Variants in MPP7 observed in about 807,000 individuals in gnomAD.
MPP7 encodes the protein MAGUK p55 subfamily member 7.
Under a neutral mutation model 76.5 loss-of-function variants are expected in MPP7, and 60 were observed. That is an observed-to-expected ratio of 0.78 (90% CI 0.64 to 0.97). MPP7 has a LOEUF of 0.97. MPP7 is among the 50% of genes least tolerant of loss of function. The probability of loss-of-function intolerance (pLI) is 0.00; values close to 1 mark genes in which losing one functional copy is unlikely to be tolerated. For synonymous variants in MPP7, 237 were observed against 244.5 expected, an observed-to-expected ratio of 0.97 and a Z score of 0.29; for missense variants, 641 against 694.0, an observed-to-expected ratio of 0.92 and a Z score of 0.86.
intron 2 of MPP7, among the ~76,000 whole-genome samples, chr10:28,313,592 T>C (rs1307164564): frequency 6.6e-6 from 1 of 152,160 alleles, no homozygotes; most frequent in East Asian, 1.9e-4. Context: ...ATACATAATA[T>C]AGCTGAAGAA....
intron 2 of MPP7, among the ~76,000 whole-genome samples, chr10:28,328,645 T>C (rs1366591493): frequency 6.6e-6 from 1 of 151,998 alleles, no homozygotes; most frequent in African/African-American, 2.4e-5. Flanking sequence ...GCTTTTCTGT[T>C]ACACTGGAAA....
chr10:28,184,454 A>T (rs1273837491), intron 3 of MPP7, among the ~76,000 whole-genome samples: 1 of 149,314 alleles, frequency 6.7e-6, no homozygotes, highest in Non-Finnish European at 1.5e-5. Flanking sequence ...CATGCCTGTA[A>T]TTCCAGCACT....
intron 2 of MPP7, among the ~76,000 whole-genome samples, chr10:28,311,058 T>G (rs1303389556): frequency 6.6e-6 from 1 of 152,224 alleles, no homozygotes; most frequent in African/African-American, 2.4e-5. Flanking sequence ...GTTGGAGACA[T>G]AGCAAGAATC....
intron 2 of MPP7, among the ~76,000 whole-genome samples, chr10:28,204,380 T>G (rs773396435): frequency 6.7e-6 from 1 of 148,688 alleles, no homozygotes; most frequent in South Asian, 2.1e-4. Flanking sequence ...GAGGTGGAGG[T>G]TGGAGTTAGC....
chr10:28,267,733 A>G (rs1840190674), intron 1 of MPP7, among the ~76,000 whole-genome samples: 1 of 151,082 alleles, frequency 6.6e-6, no homozygotes, highest in African/African-American at 2.5e-5. Context: ...AAAGTAGATA[A>G]TACTATTTGA....
intron 3 of MPP7, among the ~76,000 whole-genome samples, chr10:28,156,266 C>T (rs1227417632): frequency 6.6e-6 from 1 of 152,102 alleles, no homozygotes; most frequent in African/African-American, 2.4e-5. Flanking sequence ...ATGAAAGTCA[C>T]CATTAAAAGA....
chr10:28,299,132 C>T (rs1215555051), intron 1 of MPP7, among the ~76,000 whole-genome samples: 1 of 152,310 alleles, frequency 6.6e-6, no homozygotes, highest in East Asian at 1.9e-4. Flanking sequence ...CTTTCAAGAA[C>T]CTTTCCTTTG....
rs75580747 is a variant in MPP7 at position 28,274,726 on chromosome 10, C to T, written c.-132+28135G>A. On this transcript the variant is annotated intron_variant, in intron 1 of 16. Coordinates refer to ENST00000683449, the MANE Select transcript of MPP7 (RefSeq NM_001318170.2). Reference sequence around the variant, plus strand: ...TAGGAGGCTGCCTGGATGACTTCCTCTCTACTTCCTGCTACAGAAAGGTTA... The same window carrying T: ...TAGGAGGCTGCCTGGATGACTTCCTTTCTACTTCCTGCTACAGAAAGGTTA... 4.7e-3 allele frequency among the ~76,000 whole-genome samples: 719 copies of T among 152,296 alleles called. 7 individuals are homozygous for T. Among genetic ancestry groups the T allele is most frequent in the African/African-American group, 0.016 (653 of 41,578 alleles).
Position 28,131,668 on chromosome 10 carries a change from A to T in MPP7, c.339T>A (p.Thr113=). ...NVKALLSVHD[T]VAQKNYDPVL... ...CTGGGTCGTAATTCTTCTGAGCCAC[A>T]GTATCATGTACAGAGAGCAAAGCCT... Residue 113 remains threonine, a synonymous_variant, in exon 6 of 17, where the codon ACT becomes ACA. Transcript: ENST00000683449. 6.3e-7 allele frequency: 1 copy of T among 1,598,990 alleles called. No individual in the cohort carries two copies. Among genetic ancestry groups the T allele is most frequent in the Non-Finnish European group, 8.5e-7 (1 of 1,170,730 alleles).
At chr10:28,300,228 G>C (rs1841124456) in intron 1 of MPP7, among the ~76,000 whole-genome samples, 1 of 151,644 alleles carries the variant, frequency 6.6e-6, no homozygotes, top group Admixed American at 6.6e-5. Context: ...GCACCATCTA[G>C]TGGAAGTCAG....
chr10:28,215,986 TAA>T (rs143499435), intron 2 of MPP7, among the ~76,000 whole-genome samples: 1,914 of 152,188 alleles, frequency 0.013, 24 homozygotes, highest in South Asian at 0.028. Flanking sequence ...CAATAGGCAA[TAA>T]AGACAGGCAA....
intron 1 of MPP7, among the ~76,000 whole-genome samples, chr10:28,273,470 G>A (rs1054468495): frequency 6.6e-6 from 1 of 152,196 alleles, no homozygotes; most frequent in Non-Finnish European, 1.5e-5. Flanking sequence ...CCGTTACAAG[G>A]TAAGTGGAGA....
Position 28,051,883 on chromosome 10 carries a change from C to A in MPP7, c.*2182G>T, listed in dbSNP as rs1851372758. On this transcript the variant is annotated 3_prime_UTR_variant, in exon 17 of 17. Coordinates refer to ENST00000683449, the MANE Select transcript of MPP7 (RefSeq NM_001318170.2). ...CCTGAGCAACATGGCAAGACCCTGT[C>A]TCAAAAAAAAAAAAAAAAGTATACT... The A allele has an allele frequency of 7.1e-6, 1 of 140,258 alleles. No individual in the cohort carries two copies. The highest frequency in any genetic ancestry group is 7.0e-5 in the Admixed American group (1 of 14,388). 8.7% of individuals were successfully genotyped at this position (140,258 alleles called of 1,614,324 possible).
chr10:28,154,668 T>A (rs1408426485), intron 3 of MPP7, among the ~76,000 whole-genome samples: 1 of 150,892 alleles, frequency 6.6e-6, no homozygotes, highest in Non-Finnish European at 1.5e-5. Context: ...TCAAATTCCT[T>A]TAGTTCCCAG....
rs1851574025 is a variant in MPP7 at position 28,056,761 on chromosome 10, G to A, written c.1408-138C>T. On this transcript the variant is annotated intron_variant, in intron 15 of 16. Transcript: ENST00000683449. ...TCAATATATTATTATTCAATTAACT[G>A]TTGACAATTAAATGTAACAAACACT... 2.1e-5 allele frequency: 14 copies of A among 659,046 alleles called. No homozygotes were observed. In the South Asian group the frequency reaches 3.3e-4, roughly 16 times the overall value. 40.8% of individuals were successfully genotyped at this position (659,046 alleles called of 1,614,324 possible).
chr10:28,091,109 C>T (rs1175295180), intron 11 of MPP7, among the ~76,000 whole-genome samples: 2 of 151,864 alleles, frequency 1.3e-5, no homozygotes, highest in East Asian at 1.9e-4. Flanking sequence ...ATCGCACCAC[C>T]GTACTCTAGC....
Position 28,296,457 on chromosome 10 carries a change from C to T in MPP7, c.-132+6404G>A, listed in dbSNP as rs1160243903. 3.3e-5 allele frequency among the ~76,000 whole-genome samples: 5 copies of T among 152,336 alleles called. No individual in the cohort carries two copies. In the South Asian group the frequency reaches 6.2e-4, roughly 19 times the overall value. ...AGACTTTCTCACTTAGATTCCTATCCTGCATTTTCAAAGTCCAAAGTTGTC... is the reference window on the plus strand; with the variant it reads ...AGACTTTCTCACTTAGATTCCTATCTTGCATTTTCAAAGTCCAAAGTTGTC... On this transcript the variant is annotated intron_variant, in intron 1 of 16. Transcript: ENST00000683449.
chr10:28,270,942 G>A (rs1340870338), intron 1 of MPP7, among the ~76,000 whole-genome samples: 1 of 152,072 alleles, frequency 6.6e-6, no homozygotes, highest in Non-Finnish European at 1.5e-5. Context: ...GGACTTTTTA[G>A]TACAATAGTA....
At chr10:28,111,014 A>C (rs1391515532) in intron 11 of MPP7, among the ~76,000 whole-genome samples, 1 of 152,202 alleles carries the variant, frequency 6.6e-6, no homozygotes, top group African/African-American at 2.4e-5. Flanking sequence ...AACAGAGTAC[A>C]TTTGTAAGTT....
Sources: allele counts gnomAD v4.1 joint callset (sites outside exome capture counted in the v4.1 genomes callset), GRCh38; gene constraint gnomAD v4.1.1; transcripts MANE v1.5; gene names NCBI Gene and HGNC (gene_info 2026-07-23, HGNC 2026-07-21).